ACAD10: variants seen among roughly 807,000 people sequenced by gnomAD.
The protein encoded by ACAD10 is ACAD-10.
ACAD10 carries 112 observed loss-of-function variants against 116.8 expected under a neutral mutation model. The observed-to-expected ratio is 0.96, with a 90% confidence interval of 0.82 to 1.12. ACAD10 has a LOEUF of 1.12. Ranked by LOEUF, ACAD10 falls within the 50% of genes most tolerant of loss-of-function variation. The probability of loss-of-function intolerance (pLI) is 0.00; values close to 1 mark genes in which losing one functional copy is unlikely to be tolerated. For synonymous variants in ACAD10, 486 were observed against 510.6 expected, an observed-to-expected ratio of 0.95 and a Z score of 0.65; for missense variants, 1,259 against 1,350.2, an observed-to-expected ratio of 0.93 and a Z score of 1.06.
In ACAD10 at chr12:111,753,850, GA is replaced by G. The variant is rs747055889; in HGVS notation, c.2897del (p.Glu966GlyfsTer10). The G allele has an allele frequency of 1.2e-6, 2 of 1,613,922 alleles. No individual in the cohort carries two copies. Among genetic ancestry groups the G allele is most frequent in the Non-Finnish European group, 1.7e-6 (2 of 1,179,986 alleles). ...VLADIAQSRVEIEQARLLVLR... is the reference protein window; with the variant it reads ...VLADIAQSRVXIEQARLLVLR... ...GGCGGACATCGCGCAGTCGCGCGTG[GA>G]GATTGAGCAGGCACGGCTGCTGGTG... On this transcript the variant is annotated frameshift_variant, in exon 19 of 21. Coordinates refer to ENST00000313698, the MANE Select transcript of ACAD10 (RefSeq NM_025247.6). LOFTEE classifies it high-confidence loss of function.
intron 12 of ACAD10, chr12:111,744,428 C>G: frequency 1.6e-6 from 1 of 613,080 alleles, no homozygotes; most frequent in Non-Finnish European, 2.8e-6. Context: ...ACCTCCTTCT[C>G]TAAGACTCAG....
chr12:111,689,050 G>A (rs1024642042), intron 1 of ACAD10, among the ~76,000 whole-genome samples: 1 of 151,038 alleles, frequency 6.6e-6, no homozygotes, highest in South Asian at 2.1e-4. Context: ...AATTAGCCAG[G>A]CGTGGTGGCA....
At chr12:111,688,618 A>G (rs796727688) in intron 1 of ACAD10, among the ~76,000 whole-genome samples, 19 of 151,910 alleles carry the variant, frequency 1.3e-4, no homozygotes, top group African/African-American at 4.6e-4. Flanking sequence ...CCTGGCCAAC[A>G]TGGTTAACAC....
chr12:111,710,058 G>T, intron 5 of ACAD10: 1 of 327,764 alleles, frequency 3.1e-6, no homozygotes, highest in Non-Finnish European at 5.9e-6. Context: ...GAGAAGCCAT[G>T]TGAGGGGGTC....
chr12:111,719,591 C>T (rs1047175868), intron 7 of ACAD10, among the ~76,000 whole-genome samples: 19 of 151,740 alleles, frequency 1.3e-4, no homozygotes, highest in African/African-American at 4.4e-4. Context: ...TTGCTCTTGT[C>T]GCCCAGGCTG....
chr12:111,687,551 C>T (rs1013202782), intron 1 of ACAD10, among the ~76,000 whole-genome samples: 6 of 152,116 alleles, frequency 3.9e-5, no homozygotes, highest in Non-Finnish European at 7.4e-5. Flanking sequence ...TGTGAAAGTG[C>T]ATAAACCATA....
At chr12:111,709,064 C>T (rs936007585) in intron 4 of ACAD10, among the ~76,000 whole-genome samples, 4 of 151,402 alleles carry the variant, frequency 2.6e-5, no homozygotes, top group South Asian at 2.1e-4. Flanking sequence ...AAAAAAATGG[C>T]GAAATGCTTT....
chr12:111,747,101 A>G lies in ACAD10; in HGVS notation c.2309A>G (p.Tyr770Cys). ...GGCAACATGGAGCTGCTGGTGAGGT[A>G]TGGCACCGAAGCGCAGAAGGCTCGC... ...DTGNMELLVR[Y>C]GTEAQKARWL... Residue 770 changes from tyrosine to cysteine, a missense_variant, in exon 15 of 21, where the codon TAT (tyrosine) becomes TGT (cysteine). Transcript: ENST00000313698. The G allele has an allele frequency of 1.2e-6, 2 of 1,613,270 alleles. No individual in the cohort carries two copies. Among genetic ancestry groups the G allele is most frequent in the Middle Eastern group, 1.7e-4 (1 of 6,060 alleles).
At chr12:111,740,415 C>T (rs1304600836) in intron 12 of ACAD10, among the ~76,000 whole-genome samples, 3 of 145,760 alleles carry the variant, frequency 2.1e-5, no homozygotes, top group South Asian at 2.3e-4. Context: ...GAGCAGAGAT[C>T]GTGCCACTAC....
chr12:111,756,208 A>T, intron 20 of ACAD10, 125 bp from the exon 21 acceptor site: 1 of 1,445,186 alleles, frequency 6.9e-7, no homozygotes, highest in Non-Finnish European at 9.0e-7. Flanking sequence ...ATTGTATCAC[A>T]TAGGTGCCAC....
chr12:111,709,725 C>T, intron 5 of ACAD10, 41 bp downstream of exon 5: 1 of 1,541,702 alleles, frequency 6.5e-7, no homozygotes, highest in Middle Eastern at 1.7e-4. Context: ...CATGCACCAG[C>T]CACTAATGCA....
intron 7 of ACAD10, among the ~76,000 whole-genome samples, chr12:111,720,680 A>G (rs745551080): frequency 1.3e-5 from 2 of 152,090 alleles, no homozygotes; most frequent in South Asian, 2.1e-4. Flanking sequence ...CTATGTTTAT[A>G]TATTCAGCGC....
chr12:111,711,447 G>A (rs190962034), intron 5 of ACAD10, among the ~76,000 whole-genome samples: 290 of 151,906 alleles, frequency 1.9e-3, no homozygotes, highest in Admixed American at 4.3e-3. Context: ...CTGACCTCGT[G>A]ATACGCCTGC....
At chr12:111,754,474 C>T (rs990325886) in intron 19 of ACAD10, among the ~76,000 whole-genome samples, 1 of 151,958 alleles carries the variant, frequency 6.6e-6, no homozygotes, top group African/African-American at 2.4e-5. Context: ...TTGTAGAGAC[C>T]GGCTCTCACC....
intron 12 of ACAD10, among the ~76,000 whole-genome samples, chr12:111,739,915 T>A (rs927441986): frequency 6.6e-6 from 1 of 152,200 alleles, no homozygotes; most frequent in Non-Finnish European, 1.5e-5. Flanking sequence ...GTCGATGATA[T>A]GAAGAAGTTA....
In ACAD10 at chr12:111,694,666, C is replaced by T. The variant is rs183334463; in HGVS notation, c.187+1770C>T. Among the ~76,000 whole-genome samples, 1,091 of 152,224 alleles carry T rather than the reference C, an allele frequency of 7.2e-3. 13 individuals are homozygous for T. The highest frequency in any genetic ancestry group is 0.025 in the African/African-American group (1,053 of 41,476). ...AATGATGTCATCAGCCTCCTAACTTCCTCTGCCTCTGGCTCTCTGGATTTT... is the reference window on the plus strand; with the variant it reads ...AATGATGTCATCAGCCTCCTAACTTTCTCTGCCTCTGGCTCTCTGGATTTT... On this transcript the variant is annotated intron_variant, in intron 2 of 20. Coordinates refer to ENST00000313698, the MANE Select transcript of ACAD10 (RefSeq NM_025247.6).
rs1219181885 is a variant in ACAD10 at position 111,701,787 on chromosome 12, G to A, written c.188-375G>A. On this transcript the variant is annotated intron_variant, in intron 2 of 20. Transcript: ENST00000313698. ...ATAGAAGGAAGGGCATGTTCTAGGG[G>A]CCACCAGGATCTGGCTTCTTCCTTC... Among the ~76,000 whole-genome samples, 6 of 152,136 alleles carry A rather than the reference G, an allele frequency of 3.9e-5. No individual in the cohort carries two copies. The East Asian group carries it at 1.2e-3, about 29-fold the overall frequency.
intron 8 of ACAD10, among the ~76,000 whole-genome samples, chr12:111,727,198 C>G (rs796488372): frequency 1.2e-4 from 19 of 152,118 alleles, no homozygotes; most frequent in African/African-American, 4.6e-4. Flanking sequence ...TGCACTCCAG[C>G]CTGGGCGACA....
At chr12:111,731,608 T>C (rs1008250430) in intron 10 of ACAD10, among the ~76,000 whole-genome samples, 1 of 152,186 alleles carries the variant, frequency 6.6e-6, no homozygotes, top group Non-Finnish European at 1.5e-5. Flanking sequence ...TAGTGAAGTA[T>C]GATGATCATT....
Sources: allele counts gnomAD v4.1 joint callset (sites outside exome capture counted in the v4.1 genomes callset), GRCh38; gene constraint gnomAD v4.1.1; transcripts MANE v1.5; gene names NCBI Gene and HGNC (gene_info 2026-07-23, HGNC 2026-07-21).